The following KLF8 variants were observed in gnomAD, a reference collection of about 807,000 sequenced individuals.
KLF8 encodes the protein Krueppel-like factor 8.
KLF8 carries 10 observed loss-of-function variants against 18.2 expected under a neutral mutation model. That is an observed-to-expected ratio of 0.55 (90% CI 0.34 to 0.93). The LOEUF is 0.93. Among genes scored for constraint, KLF8 ranks in the 40% least tolerant of loss-of-function variants. The probability of loss-of-function intolerance (pLI) is 0.02; values close to 1 mark genes in which losing one functional copy is unlikely to be tolerated. For synonymous variants in KLF8, 109 were observed against 97.3 expected (o/e 1.12, Z -0.71); for missense variants, 264 against 277.9 (o/e 0.95, Z 0.36).
chrX:55,920,953 C>T, the KLF8 span, among the ~76,000 whole-genome samples: 9 of 111,928 alleles, frequency 8.0e-5, no homozygotes, highest in East Asian at 2.2e-3. Flanking sequence ...AAGGCAATAC[C>T]GTTCAGAACA....
chrX:56,081,669 G>A, the KLF8 span, among the ~76,000 whole-genome samples: 7 of 111,733 alleles, frequency 6.3e-5, 1 homozygote, highest in African/African-American at 2.3e-4. Flanking sequence ...AGGTTTCTGG[G>A]TAGTTTTTTG....
chrX:56,285,880 T>A lies in KLF8; in HGVS notation c.*1386T>A, dbSNP rs187860032. On this transcript the variant is annotated 3_prime_UTR_variant, in exon 6 of 6. Coordinates refer to ENST00000468660, the MANE Select transcript of KLF8 (RefSeq NM_007250.5). Reference sequence around the variant, plus strand: ...GGGAGGGGGCTTTGCATCACTTGAATTTAGACTCAGCCTCTCTTTAAAAGA... The same window carrying A: ...GGGAGGGGGCTTTGCATCACTTGAAATTAGACTCAGCCTCTCTTTAAAAGA... 49 of 111,333 alleles carry A rather than the reference T, an allele frequency of 4.4e-4. No individual in the cohort carries two copies. The highest frequency in any genetic ancestry group is 1.5e-3 in the African/African-American group (45 of 30,669). 9.2% of individuals were successfully genotyped at this position (111,333 alleles called of 1,213,427 possible).
the KLF8 span, among the ~76,000 whole-genome samples, chrX:56,227,026 A>G: frequency 8.9e-6 from 1 of 112,417 alleles, no homozygotes; most frequent in African/African-American, 3.2e-5. Flanking sequence ...GAAAGCACCA[A>G]AGACATCCTC....
At chrX:56,163,285 T>C in the KLF8 span, among the ~76,000 whole-genome samples, 191 of 112,135 alleles carry the variant, frequency 1.7e-3, no homozygotes, top group African/African-American at 5.7e-3. Flanking sequence ...ATGATAGTCA[T>C]TCTGACTGGT....
chrX:56,144,923 G>T, the KLF8 span, among the ~76,000 whole-genome samples: 1 of 107,025 alleles, frequency 9.3e-6, no homozygotes, highest in Non-Finnish European at 1.9e-5. Flanking sequence ...CTCCCGAGTA[G>T]CTGGGATTAC....
chrX:55,976,725 T>A, the KLF8 span, among the ~76,000 whole-genome samples: 1 of 111,737 alleles, frequency 8.9e-6, no homozygotes, highest in Non-Finnish European at 1.9e-5. Flanking sequence ...TAGATTGAGT[T>A]GTACTGACAT....
chrX:56,176,059 A>AGT, the KLF8 span, among the ~76,000 whole-genome samples: 3 of 111,604 alleles, frequency 2.7e-5, no homozygotes, highest in East Asian at 2.8e-4. Flanking sequence ...CCATTTTGCC[A>AGT]CTTGGTGTCT....
chrX:56,219,510 C>T, the KLF8 span, among the ~76,000 whole-genome samples: 3 of 111,941 alleles, frequency 2.7e-5, no homozygotes, highest in African/African-American at 9.7e-5. Context: ...AAAATAACTT[C>T]CATAAATGGA....
chrX:56,013,423 G>A, the KLF8 span, among the ~76,000 whole-genome samples: 39 of 111,700 alleles, frequency 3.5e-4, no homozygotes, highest in African/African-American at 1.2e-3. Flanking sequence ...GGTTAATGCT[G>A]GAATGAGTAA....
At chrX:56,044,951 G>C in the KLF8 span, among the ~76,000 whole-genome samples, 2 of 112,198 alleles carry the variant, frequency 1.8e-5, no homozygotes, top group Admixed American at 1.9e-4. Context: ...TTTGCTTTTG[G>C]GTTCTTGGTC....
the KLF8 span, among the ~76,000 whole-genome samples, chrX:56,026,795 A>G: frequency 1.9e-4 from 21 of 111,990 alleles, no homozygotes; most frequent in Non-Finnish European, 3.2e-4. Flanking sequence ...TTCGTGTCGG[A>G]TAAGCCTCTA....
the KLF8 span, among the ~76,000 whole-genome samples, chrX:55,958,041 C>T: frequency 8.9e-6 from 1 of 111,928 alleles, no homozygotes; most frequent in African/African-American, 3.2e-5. Context: ...TATGTTTAGC[C>T]AGATAAAATA....
At chrX:56,058,292 A>G in the KLF8 span, among the ~76,000 whole-genome samples, 77 of 62,285 alleles carry the variant, frequency 1.2e-3, 1 homozygote, top group Middle Eastern at 7.9e-3. Flanking sequence ...ATATATATAT[A>G]TATATATATA....
At chrX:56,226,200 A>C in the KLF8 span, among the ~76,000 whole-genome samples, 1 of 111,551 alleles carries the variant, frequency 9.0e-6, no homozygotes, top group African/African-American at 3.3e-5. Flanking sequence ...TCGGGGTTAG[A>C]CTCTCCTCTA....
chrX:56,275,015 G>GT (rs927478748), intron 5 of KLF8, among the ~76,000 whole-genome samples: 5 of 110,739 alleles, frequency 4.5e-5, no homozygotes, highest in South Asian at 3.8e-4. Context: ...AAATTTTGGG[G>GT]TTTTTTTTCT....
At chrX:56,208,302 A>G in the KLF8 span, among the ~76,000 whole-genome samples, 1 of 111,749 alleles carries the variant, frequency 8.9e-6, no homozygotes, top group Non-Finnish European at 1.9e-5. Flanking sequence ...TGATCCTTAG[A>G]ATTTCTGCAG....
intron 1 of KLF8, chrX:56,243,151 C>T (rs1057329582): frequency 6.4e-5 from 33 of 516,861 alleles, no homozygotes; most frequent in Admixed American, 6.0e-4. Context: ...TCTTCATGGC[C>T]GACACAGTGG....
the KLF8 span, among the ~76,000 whole-genome samples, chrX:55,973,445 A>C: frequency 8.9e-6 from 1 of 112,214 alleles, no homozygotes; most frequent in Non-Finnish European, 1.9e-5. Flanking sequence ...AGTTATTTGC[A>C]AACTATGCAT....
the KLF8 span, among the ~76,000 whole-genome samples, chrX:56,179,351 G>T: frequency 3.6e-5 from 4 of 112,321 alleles, no homozygotes; most frequent in African/African-American, 6.5e-5. Flanking sequence ...TGTATCCTGA[G>T]ACTTTGCTGA....
Sources: gnomAD v4.1 joint callset for allele counts (sites outside exome capture counted in the v4.1 genomes callset) on GRCh38, gnomAD v4.1.1 for gene constraint, MANE v1.5 for transcripts, NCBI Gene and HGNC (gene_info 2026-07-23, HGNC 2026-07-21) for gene names.